Variants in DMD observed in about 807,000 individuals in gnomAD.
DMD encodes dystrophin.
DMD carries 63 observed loss-of-function variants against 330.1 expected under a neutral mutation model. That is an observed-to-expected ratio of 0.19 (90% CI 0.16 to 0.24). DMD has a LOEUF of 0.24. DMD is among the 10% of genes least tolerant of loss of function. DMD has a pLI of 1.00. For missense variants in DMD, 3,344 were observed against 2,684.1 expected, an observed-to-expected ratio of 1.25 and a Z score of -5.43; for synonymous variants, 1,223 against 959.8, an observed-to-expected ratio of 1.27 and a Z score of -5.07.
intron 71 of DMD, among the ~76,000 whole-genome samples, chrX:31,175,136 G>T (rs1201762963): frequency 9.0e-6 from 1 of 110,954 alleles, no homozygotes; most frequent in Non-Finnish European, 1.9e-5. Flanking sequence ...ATTAATACTT[G>T]GATTATTTGT....
chrX:33,170,624 C>T (rs1264724769), intron 1 of DMD, among the ~76,000 whole-genome samples: 1 of 111,385 alleles, frequency 9.0e-6, no homozygotes, highest in African/African-American at 3.2e-5. Context: ...AGATGCAACG[C>T]ATATAAAATT....
chrX:31,712,200 G>T (rs2084690497), intron 52 of DMD, among the ~76,000 whole-genome samples: 1 of 112,005 alleles, frequency 8.9e-6, no homozygotes, highest in Non-Finnish European at 1.9e-5. Context: ...ATGCACAGTT[G>T]TGGGTCCAAT....
At chrX:31,749,188 A>C (rs1238359863) in intron 51 of DMD, among the ~76,000 whole-genome samples, 1 of 108,888 alleles carries the variant, frequency 9.2e-6, no homozygotes, top group African/African-American at 3.3e-5. Context: ...ACATGTGCAC[A>C]ATGTGCAGGT....
At chrX:31,320,052 G>A (rs1295447027) in intron 62 of DMD, among the ~76,000 whole-genome samples, 2 of 112,363 alleles carry the variant, frequency 1.8e-5, no homozygotes, top group African/African-American at 6.5e-5. Context: ...GGCAATGAAA[G>A]CTGTAATCAA....
intron 7 of DMD, among the ~76,000 whole-genome samples, chrX:32,752,968 C>A (rs911647076): frequency 1.5e-4 from 17 of 110,981 alleles, no homozygotes; most frequent in Admixed American, 1.1e-3. Flanking sequence ...ACCCTTTTTG[C>A]TGTATAAATT....
chrX:31,889,959 G>T (rs1201967087), intron 47 of DMD, among the ~76,000 whole-genome samples: 2 of 109,781 alleles, frequency 1.8e-5, no homozygotes, highest in African/African-American at 3.3e-5. Flanking sequence ...AAAAATTCAA[G>T]GAAAACTAAG....
chrX:32,876,972 T>C (rs1011220574), intron 2 of DMD, among the ~76,000 whole-genome samples: 7 of 112,357 alleles, frequency 6.2e-5, no homozygotes, highest in Non-Finnish European at 1.3e-4. Flanking sequence ...ATCAATACCA[T>C]TGCCAATTAA....
At chrX:32,423,040 G>A (rs1014229110) in intron 29 of DMD, among the ~76,000 whole-genome samples, 4 of 110,474 alleles carry the variant, frequency 3.6e-5, no homozygotes, top group African/African-American at 1.3e-4. Flanking sequence ...ATATAAACTC[G>A]AGGAATTTTT....
At chrX:33,137,887 A>G (rs1275519672) in intron 1 of DMD, among the ~76,000 whole-genome samples, 1 of 112,118 alleles carries the variant, frequency 8.9e-6, no homozygotes, top group Non-Finnish European at 1.9e-5. Context: ...GTGATATGTT[A>G]CATTCATATT....
intron 4 of DMD, among the ~76,000 whole-genome samples, chrX:32,844,406 C>CAAAAAAAAAAAAAAAA (rs113585554): frequency 1.4e-5 from 1 of 74,036 alleles, no homozygotes; most frequent in South Asian, 8.2e-4. Flanking sequence ...GACTCCATCT[C>CAAAAAAAAAAAAAAAA]AAAAAAAAAA....
chrX:31,695,718 A>C (rs184536477), intron 52 of DMD, among the ~76,000 whole-genome samples: 1 of 111,363 alleles, frequency 9.0e-6, no homozygotes, highest in East Asian at 2.8e-4. Context: ...CAGTTTAAAA[A>C]AAGTTGAACT....
intron 27 of DMD, among the ~76,000 whole-genome samples, chrX:32,445,719 T>C (rs2098300721): frequency 9.0e-6 from 1 of 110,687 alleles, no homozygotes; most frequent in African/African-American, 3.3e-5. Context: ...AACATTTCAG[T>C]CAAACAGATG....
intron 5 of DMD, among the ~76,000 whole-genome samples, chrX:32,819,556 T>G (rs1449310435): frequency 8.9e-6 from 1 of 111,913 alleles, no homozygotes; most frequent in Admixed American, 9.5e-5. Flanking sequence ...AAAATATGCG[T>G]TACTGTTTTA....
intron 12 of DMD, among the ~76,000 whole-genome samples, chrX:32,608,578 A>AT (rs1329251237): frequency 2.3e-4 from 25 of 109,322 alleles, no homozygotes; most frequent in Middle Eastern, 4.7e-3. Flanking sequence ...AGCTTTATGA[A>AT]TTTTTTTTTG....
chrX:31,956,401 AC>A (rs1407649172), intron 45 of DMD, among the ~76,000 whole-genome samples: 3 of 111,935 alleles, frequency 2.7e-5, no homozygotes, highest in Non-Finnish European at 5.6e-5. Context: ...AATCAGGGAA[AC>A]CGTATAGAAT....
chrX:32,389,061 T>G (rs2097981739), intron 32 of DMD, among the ~76,000 whole-genome samples: 1 of 111,558 alleles, frequency 9.0e-6, no homozygotes, highest in Non-Finnish European at 1.9e-5. Flanking sequence ...GCTTTGCCAT[T>G]CACCAGCTGT....
chrX:33,136,328 A>G (rs1188685228), intron 1 of DMD, among the ~76,000 whole-genome samples: 1 of 103,303 alleles, frequency 9.7e-6, no homozygotes, highest in Non-Finnish European at 2.0e-5. Context: ...TCCTCTTAAA[A>G]TATGCAAAAT....
intron 2 of DMD, among the ~76,000 whole-genome samples, chrX:32,888,853 A>G (rs2084919305): frequency 8.9e-6 from 1 of 112,007 alleles, no homozygotes; most frequent in African/African-American, 3.2e-5. Flanking sequence ...GTAATTGGGA[A>G]CAATGTGGTT....
rs745326709 is a variant in DMD at position 32,327,934 on chromosome X, AT to A, written c.5922+14165del. Among the ~76,000 whole-genome samples the A allele has an allele frequency of 5.5e-4, 61 of 111,460 alleles. No homozygotes were observed. The East Asian group carries it at 8.2e-3, about 15-fold the overall frequency. On this transcript the variant is annotated intron_variant, in intron 41 of 78. Coordinates refer to ENST00000357033, the MANE Select transcript of DMD (RefSeq NM_004006.3). ...AAGTATTTTACCAAATAAAAAATAA[AT>A]TTTTTTTCACTTCTCAAAACTTTTC... is the stretch of plus-strand genomic sequence containing the variant.
Sources: gnomAD v4.1 joint callset for allele counts (sites outside exome capture counted in the v4.1 genomes callset) on GRCh38, gnomAD v4.1.1 for gene constraint, MANE v1.5 for transcripts, NCBI Gene and HGNC (gene_info 2026-07-23, HGNC 2026-07-21) for gene names.